Variants in CCDC171 observed in about 807,000 individuals in gnomAD.
CCDC171 encodes coiled-coil domain containing 171.
CCDC171 carries 177 observed loss-of-function variants against 168.2 expected under a neutral mutation model. The ratio of observed to expected loss-of-function variants is 1.05; its 90% CI spans 0.93 to 1.19. The LOEUF is 1.19. CCDC171 is among the 50% of genes most tolerant of loss of function. CCDC171 has a pLI of 0.00. For synonymous variants in CCDC171, 687 were observed against 540.8 expected (o/e 1.27, Z -3.75); for missense variants, 1,991 against 1,539.0 (o/e 1.29, Z -4.91).
At chr9:15,727,726 A>C (rs2053899573) in intron 14 of CCDC171, 143 bp from the exon 15 acceptor site, 1 of 559,084 alleles carries the variant, frequency 1.8e-6, no homozygotes, top group Middle Eastern at 4.9e-4. Context: ...GATTATAAAA[A>C]AAGTCATTAA....
intron 24 of CCDC171, among the ~76,000 whole-genome samples, chr9:15,894,979 A>G (rs1299972614): frequency 6.6e-6 from 1 of 152,132 alleles, no homozygotes; most frequent in Non-Finnish European, 1.5e-5. Flanking sequence ...TATGTTAATG[A>G]ATGAACCAGG....
In CCDC171 at chr9:15,946,069, G is replaced by T. The variant is rs1564043764; in HGVS notation, c.3754-25540G>T. ...AATTGATTTTAGTATAAGGTGTAAG[G>T]AAGGGATCCAGTTTCAGCTTTCTAC... On this transcript the variant is annotated intron_variant, in intron 25 of 25. Transcript: ENST00000380701. Among the ~76,000 whole-genome samples the T allele has an allele frequency of 1.3e-5, 2 of 151,876 alleles. 1 individual carries two copies. The highest frequency in any genetic ancestry group is 4.2e-4 in the South Asian group (2 of 4,816).
intron 3 of CCDC171, among the ~76,000 whole-genome samples, chr9:16,006,429 T>G (rs547651977): frequency 6.6e-6 from 1 of 152,228 alleles, no homozygotes; most frequent in African/African-American, 2.4e-5. Flanking sequence ...TTGCCCATTT[T>G]CTTTTCTTTT....
chr9:15,591,300 A>G, intron 4 of CCDC171, 66 bp from the exon 5 acceptor site: 2 of 937,854 alleles, frequency 2.1e-6, no homozygotes, highest in South Asian at 1.6e-5. Flanking sequence ...TCCAATGCCT[A>G]GGTTTTGGGG....
chr9:16,022,625 A>G (rs1833196981), intron 5 of CCDC171: 1 of 152,232 alleles, frequency 6.6e-6, no homozygotes, highest in South Asian at 2.1e-4. Context: ...ATTGCTTTAT[A>G]TTCCCTCTAA....
intron 8 of CCDC171, among the ~76,000 whole-genome samples, chr9:15,665,930 C>A (rs2048702420): frequency 6.6e-6 from 1 of 152,094 alleles, no homozygotes; most frequent in Admixed American, 6.5e-5. Context: ...TTGTACCAGC[C>A]TATCTTTCAT....
intron 23 of CCDC171, among the ~76,000 whole-genome samples, chr9:15,864,451 C>T (rs577581678): frequency 6.6e-6 from 1 of 151,930 alleles, no homozygotes; most frequent in South Asian, 2.1e-4. Flanking sequence ...TAATGCTATC[C>T]CTCCCCCCGC....
At chr9:16,080,044 A>G in the CCDC171 span, among the ~76,000 whole-genome samples, 5 of 152,150 alleles carry the variant, frequency 3.3e-5, no homozygotes, top group African/African-American at 1.2e-4. Flanking sequence ...TTCTTCTTAC[A>G]AAAAGCTGAA....
intron 21 of CCDC171, among the ~76,000 whole-genome samples, chr9:15,814,768 T>A (rs1208980148): frequency 6.6e-6 from 1 of 152,158 alleles, no homozygotes; most frequent in Non-Finnish European, 1.5e-5. Flanking sequence ...GATCTACTGA[T>A]TTATCTTTCT....
At chr9:15,713,397 G>T (rs1175388429) in intron 11 of CCDC171, among the ~76,000 whole-genome samples, 2 of 151,860 alleles carry the variant, frequency 1.3e-5, no homozygotes, top group African/African-American at 4.8e-5. Flanking sequence ...AGAAAGCAAT[G>T]TAACAGGAAT....
chr9:15,981,890 A>G (rs895785699), intron 3 of CCDC171, among the ~76,000 whole-genome samples: 2 of 152,186 alleles, frequency 1.3e-5, no homozygotes, highest in African/African-American at 4.8e-5. Context: ...AAGGAATTGT[A>G]CTATAAAGTA....
chr9:15,656,321 CAA>C (rs1163329115), intron 7 of CCDC171, among the ~76,000 whole-genome samples: 11 of 89,820 alleles, frequency 1.2e-4, no homozygotes, highest in Admixed American at 2.6e-4. Flanking sequence ...GACTCCGTCT[CAA>C]AAAAAAAAAA....
chr9:15,966,222 G>C (rs1156740010), intron 25 of CCDC171, among the ~76,000 whole-genome samples: 1 of 152,214 alleles, frequency 6.6e-6, no homozygotes, highest in African/African-American at 2.4e-5. Flanking sequence ...ATGGGAAGAG[G>C]ATCCAGAAAA....
rs1587983837 is a variant in CCDC171 at position 15,691,543 on chromosome 9, T to A, written c.1216-3692T>A. On this transcript the variant is annotated intron_variant, in intron 10 of 25. Coordinates refer to ENST00000380701, the MANE Select transcript of CCDC171 (RefSeq NM_173550.4). ...ATTAAAAATACCTGTAAATATATGT[T>A]TTTTATATATATATATATATATATA... is the stretch of plus-strand genomic sequence containing the variant. Among the ~76,000 whole-genome samples, 23 of 77,412 alleles carry A rather than the reference T, an allele frequency of 3.0e-4. 1 individual carries two copies. Among genetic ancestry groups the A allele is most frequent in the African/African-American group, 9.6e-4 (22 of 23,034 alleles). The allele number at this position is 77,412 out of a possible 152,430, so 50.8% of individuals were successfully genotyped here. A position where few individuals can be genotyped will look rare whatever the true frequency, so the allele number is the denominator to read the frequency against.
intron 1 of CCDC171, among the ~76,000 whole-genome samples, chr9:16,044,243 A>G (rs1489931548): frequency 6.6e-6 from 1 of 152,196 alleles, no homozygotes; most frequent in Non-Finnish European, 1.5e-5. Context: ...TGATTTAAAT[A>G]TTTTGTTCTA....
chr9:15,699,488 C>T (rs1024125894), intron 11 of CCDC171, among the ~76,000 whole-genome samples: 4 of 152,120 alleles, frequency 2.6e-5, no homozygotes, highest in Non-Finnish European at 5.9e-5. Context: ...CACCCACGTC[C>T]TGCTGATTGG....
intron 24 of CCDC171, among the ~76,000 whole-genome samples, chr9:15,880,972 A>G (rs908779292): frequency 5.3e-5 from 8 of 152,204 alleles, no homozygotes; most frequent in African/African-American, 1.9e-4. Context: ...TGATGGAAAA[A>G]TACCATCCTT....
At chr9:15,765,899 C>T (rs1045472660) in intron 18 of CCDC171, among the ~76,000 whole-genome samples, 6 of 152,092 alleles carry the variant, frequency 3.9e-5, no homozygotes, top group East Asian at 1.9e-4. Flanking sequence ...GAGGCACTGA[C>T]GGCTTTCTTA....
chr9:15,835,260 A>G (rs1455768183), intron 21 of CCDC171, among the ~76,000 whole-genome samples: 1 of 152,214 alleles, frequency 6.6e-6, no homozygotes, highest in Non-Finnish European at 1.5e-5. Context: ...GTTGCATATT[A>G]CATGTATTTG....
Sources: gnomAD v4.1 joint callset for allele counts (sites outside exome capture counted in the v4.1 genomes callset) on GRCh38, gnomAD v4.1.1 for gene constraint, MANE v1.5 for transcripts, NCBI Gene and HGNC (gene_info 2026-07-23, HGNC 2026-07-21) for gene names.